Variants in TMEM65 observed in about 807,000 individuals in gnomAD.
The protein encoded by TMEM65 is transmembrane protein 65.
In TMEM65, 22 loss-of-function variants were observed where a neutral mutation model predicts 25.4. The ratio of observed to expected loss-of-function variants is 0.86; its 90% CI spans 0.62 to 1.23. The LOEUF is 1.23. Ranked by LOEUF, TMEM65 falls within the 50% of genes most tolerant of loss-of-function variation. The pLI is 0.00. For synonymous variants in TMEM65, 132 were observed against 126.2 expected (o/e 1.05, Z -0.31); for missense variants, 262 against 308.2 (o/e 0.85, Z 1.12).
At chr8:124,333,004 C>T (rs1356582115) in intron 1 of TMEM65, among the ~76,000 whole-genome samples, 1 of 151,874 alleles carries the variant, frequency 6.6e-6, no homozygotes, top group African/African-American at 2.4e-5. Flanking sequence ...GAGGTTTCAC[C>T]ATGTTGGCCA....
chr8:124,329,560 T>C (rs1307478283), intron 2 of TMEM65, among the ~76,000 whole-genome samples: 4 of 152,044 alleles, frequency 2.6e-5, no homozygotes, highest in African/African-American at 9.6e-5. Context: ...ACCAAGGCAC[T>C]CTGTTACAAA....
chr8:124,359,205 G>C (rs1450517584), intron 1 of TMEM65, among the ~76,000 whole-genome samples: 1 of 152,164 alleles, frequency 6.6e-6, no homozygotes, highest in African/African-American at 2.4e-5. Context: ...TGATCAAGGT[G>C]ATCCAAGAGC....
Position 124,355,648 on chromosome 8 carries a change from TCATCCCAC to T in TMEM65, c.304+16198_304+16205del, listed in dbSNP as rs1260421975. On this transcript the variant is annotated intron_variant, in intron 1 of 6. Transcript: ENST00000297632. ...CACTGTGTGATATAACATAGGGGCT[TCATCCCAC>T]CTTTATAATGAAACACAGTCAAATT... Among the ~76,000 whole-genome samples, 32 of 152,336 alleles carry T rather than the reference TCATCCCAC, an allele frequency of 2.1e-4. No individual in the cohort carries two copies. The East Asian group carries it at 6.2e-3, about 29-fold the overall frequency.
At chr8:124,366,523 ATATCCTT>A (rs1814939798) in intron 1 of TMEM65, among the ~76,000 whole-genome samples, 1 of 151,974 alleles carries the variant, frequency 6.6e-6, no homozygotes, top group Non-Finnish European at 1.5e-5. Context: ...AGCCCTGCCT[ATATCCTT>A]TTTTTTTCAA....
At chr8:124,364,483 C>T (rs568079420) in intron 1 of TMEM65, among the ~76,000 whole-genome samples, 1 of 152,244 alleles carries the variant, frequency 6.6e-6, no homozygotes, top group African/African-American at 2.4e-5. Context: ...ATTAGCATGT[C>T]TACAAATAGA....
rs1224880193 is a variant in TMEM65 at position 124,307,811 on chromosome 8, T to C, written c.*6149A>G. ...TTCCCAGATGCCATTAAGAAAATCA[T>C]TGAGGAGAAAGCATATCTACCAAAA... On this transcript the variant is annotated 3_prime_UTR_variant, in exon 7 of 7. Transcript: ENST00000297632. 6.6e-6 allele frequency: 1 copy of C among 152,054 alleles called. No homozygotes were observed. The highest frequency in any genetic ancestry group is 1.9e-4 in the East Asian group (1 of 5,196). The allele number at this position is 152,054 out of a possible 1,614,324, so 9.4% of individuals were successfully genotyped here. A position where few individuals can be genotyped will look rare whatever the true frequency, so the allele number is the denominator to read the frequency against.
intron 1 of TMEM65, among the ~76,000 whole-genome samples, chr8:124,359,962 G>A (rs918847530): frequency 6.6e-6 from 1 of 152,062 alleles, no homozygotes; most frequent in African/African-American, 2.4e-5. Flanking sequence ...CGCAGAGAAC[G>A]CTTTCTTTGC....
At chr8:124,356,181 T>A (rs1814778195) in intron 1 of TMEM65, among the ~76,000 whole-genome samples, 1 of 152,130 alleles carries the variant, frequency 6.6e-6, no homozygotes, top group South Asian at 2.1e-4. Context: ...TATAACAGCA[T>A]AAGAATGGCC....
chr8:124,339,622 A>T (rs1328632074), intron 1 of TMEM65, among the ~76,000 whole-genome samples: 1 of 152,100 alleles, frequency 6.6e-6, no homozygotes, highest in Non-Finnish European at 1.5e-5. Flanking sequence ...CCAATTGTGC[A>T]CATTGATCCC....
intron 4 of TMEM65, 117 bp from the exon 5 acceptor site, chr8:124,322,264 T>C: frequency 1.5e-6 from 1 of 686,658 alleles, no homozygotes; most frequent in Non-Finnish European, 2.3e-6. Flanking sequence ...ACAGCAACCA[T>C]ATCCAAAGTA....
At chr8:124,326,244 C>T (rs1814364687) in intron 3 of TMEM65, among the ~76,000 whole-genome samples, 1 of 151,934 alleles carries the variant, frequency 6.6e-6, no homozygotes, top group Admixed American at 6.6e-5. Context: ...TTTCTCCTCC[C>T]ACTAAATGTA....
intron 4 of TMEM65, among the ~76,000 whole-genome samples, chr8:124,322,724 G>A (rs763349393): frequency 2.0e-5 from 3 of 151,956 alleles, no homozygotes; most frequent in South Asian, 2.1e-4. Flanking sequence ...TAGGCTGGGC[G>A]TGGTGGCTCA....
In TMEM65 at chr8:124,307,830, A is replaced by G. The variant is rs1208418231; in HGVS notation, c.*6130T>C. On this transcript the variant is annotated 3_prime_UTR_variant, in exon 7 of 7. Coordinates refer to ENST00000297632, the MANE Select transcript of TMEM65 (RefSeq NM_194291.3). ...AAATCATTGAGGAGAAAGCATATCT[A>G]CCAAAACAGGTTCTTAAGGCAGACA... is the stretch of plus-strand genomic sequence containing the variant. 1 of 152,250 alleles carries G rather than the reference A, an allele frequency of 6.6e-6. No homozygotes were observed. The highest frequency in any genetic ancestry group is 1.5e-5 in the Non-Finnish European group (1 of 68,058). 9.4% of individuals were successfully genotyped at this position (152,250 alleles called of 1,614,324 possible). A position where few individuals can be genotyped will look rare whatever the true frequency, so the allele number is the denominator to read the frequency against.
chr8:124,350,473 TCTCTCACACA>T (rs1266797418), intron 1 of TMEM65, among the ~76,000 whole-genome samples: 5 of 84,804 alleles, frequency 5.9e-5, no homozygotes, highest in East Asian at 4.6e-4. Context: ...CCTCTCTCTC[TCTCTCACACA>T]CACACACACA....
chr8:124,323,850 C>T (rs1162266244), intron 3 of TMEM65, among the ~76,000 whole-genome samples: 2 of 152,002 alleles, frequency 1.3e-5, no homozygotes, highest in African/African-American at 2.4e-5. Flanking sequence ...AGCTCTTGAA[C>T]CATTAAGTAG....
At position 124,372,667 on chromosome 8, in the gene TMEM65, C is replaced by CCGG. The variant is rs1563603272; in HGVS notation, c.-511_-510insCCG. 2 of 163,990 alleles carry CCGG rather than the reference C, an allele frequency of 1.2e-5. No individual in the cohort carries two copies. Among genetic ancestry groups the CCGG allele is most frequent in the African/African-American group, 4.8e-5 (2 of 41,558 alleles). 10.2% of individuals were successfully genotyped at this position (163,990 alleles called of 1,614,324 possible). On this transcript the variant is annotated 5_prime_UTR_variant, in exon 1 of 7. Transcript: ENST00000297632. ...CAGCCGCGCTCCCGAGCCGCAGCCG[C>CCGG]CGCCGCCGCCGCTACCCCTAGCGGC...
chr8:124,317,695 G>T (rs1008687195), intron 6 of TMEM65, among the ~76,000 whole-genome samples: 3 of 152,168 alleles, frequency 2.0e-5, no homozygotes, highest in Non-Finnish European at 4.4e-5. Flanking sequence ...TAGGTAGGAT[G>T]CTCTAACTTG....
In TMEM65 at chr8:124,372,050, C is replaced by T; in HGVS notation, c.108G>A (p.Arg36=). 1 of 1,213,210 alleles carries T rather than the reference C, an allele frequency of 8.2e-7. No homozygotes were observed. The allele number at this position is 1,213,210 out of a possible 1,614,324, so 75.2% of individuals were successfully genotyped here. The part of the protein sequence containing the change: ...PRPPSWCCCG[R]GLLALAPPGG... ...CGGGGGGCGCGAGCGCCAGCAGCCC[C>T]CGCCCGCAGCAGCACCAGGACGGCG... Residue 36 remains arginine (R), a synonymous_variant, in exon 1 of 7, where the codon CGG becomes CGA. Coordinates refer to ENST00000297632, the MANE Select transcript of TMEM65 (RefSeq NM_194291.3).
intron 4 of TMEM65, among the ~76,000 whole-genome samples, chr8:124,322,633 T>G (rs887518593): frequency 6.6e-6 from 1 of 152,062 alleles, no homozygotes; most frequent in Non-Finnish European, 1.5e-5. Context: ...AATCCTGTAT[T>G]TCCTTCTTTG....
Sources: gnomAD v4.1 joint callset for allele counts (sites outside exome capture counted in the v4.1 genomes callset) on GRCh38, gnomAD v4.1.1 for gene constraint, MANE v1.5 for transcripts, NCBI Gene and HGNC (gene_info 2026-07-23, HGNC 2026-07-21) for gene names.